Variants in HK1 observed in about 807,000 individuals in gnomAD.
HK1 encodes hexokinase 1.
In HK1, 28 loss-of-function variants were observed where a neutral mutation model predicts 91.6. The ratio of observed to expected loss-of-function variants is 0.31; its 90% CI spans 0.23 to 0.42. The LOEUF is 0.42. Among genes scored for constraint, HK1 ranks in the 10% least tolerant of loss-of-function variants. HK1 has a pLI of 1.00. For missense variants in HK1, 770 were observed against 1,219.8 expected (o/e 0.63, Z 5.49); for synonymous variants, 430 against 468.1 (o/e 0.92, Z 1.05).
intron 4 of HK1, among the ~76,000 whole-genome samples, chr10:69,300,106 G>A (rs989352124): frequency 6.6e-6 from 1 of 151,658 alleles, no homozygotes; most frequent in African/African-American, 2.4e-5. Flanking sequence ...GGCTGTTTAA[G>A]AAGTTTTAAC....
intron 2 of HK1, among the ~76,000 whole-genome samples, chr10:69,358,675 G>T (rs564593601): frequency 0.015 from 2,242 of 152,140 alleles, 29 homozygotes; most frequent in South Asian, 0.045. Context: ...CAGCCTGGCC[G>T]ACATAGTGAA....
chr10:69,322,417 T>C (rs1847090243), intron 1 of HK1, among the ~76,000 whole-genome samples: 1 of 152,192 alleles, frequency 6.6e-6, no homozygotes, highest in African/African-American at 2.4e-5. Flanking sequence ...GGCATCTGCA[T>C]AAATTGGTTA....
At chr10:69,375,758 C>G (rs1839063449) in intron 7 of HK1, among the ~76,000 whole-genome samples, 3 of 152,224 alleles carry the variant, frequency 2.0e-5, no homozygotes, top group Admixed American at 2.0e-4. Context: ...GGGGTTCCTC[C>G]TGGCCCCTCG....
intron 4 of HK1, among the ~76,000 whole-genome samples, chr10:69,367,143 A>G (rs1849747085): frequency 6.6e-6 from 1 of 152,168 alleles, no homozygotes; most frequent in Non-Finnish European, 1.5e-5. Context: ...GACATGCCCA[A>G]GAGGGGGCAT....
chr10:69,349,419 T>C (rs570388380), intron 2 of HK1, among the ~76,000 whole-genome samples: 9 of 152,244 alleles, frequency 5.9e-5, no homozygotes, highest in South Asian at 4.2e-4. Flanking sequence ...ATCAGTCTTA[T>C]GATATAATAA....
At chr10:69,365,045 G>T in intron 4 of HK1, 143 bp downstream of exon 4, 1 of 926,286 alleles carries the variant, frequency 1.1e-6, no homozygotes. Context: ...GCAGAAGTTA[G>T]TGTGGTATCA....
intron 1 of HK1, among the ~76,000 whole-genome samples, chr10:69,276,138 T>TATATATATAC (rs753204633): frequency 0.04 from 3,061 of 75,874 alleles, 291 homozygotes; most frequent in Non-Finnish European, 0.057. Context: ...TATATATATA[T>TATATATATAC]ACACATATAT....
chr10:69,287,975 CA>C (rs35699014), intron 2 of HK1, among the ~76,000 whole-genome samples: 46,827 of 115,824 alleles, frequency 0.4, 7,579 homozygotes, highest in Middle Eastern at 0.51. Context: ...ACTGTGTCTA[CA>C]AAAAAAAAAA....
chr10:69,285,820 CCAAA>C (rs1260883227), intron 2 of HK1, among the ~76,000 whole-genome samples: 4 of 152,322 alleles, frequency 2.6e-5, no homozygotes, highest in African/African-American at 9.6e-5. Context: ...GACCTCTAGA[CCAAA>C]CACTCTCTAG....
At chr10:69,395,462 C>T (rs947746635) in intron 16 of HK1, among the ~76,000 whole-genome samples, 1 of 152,118 alleles carries the variant, frequency 6.6e-6, no homozygotes, top group African/African-American at 2.4e-5. Flanking sequence ...CCTGTAATCC[C>T]AGCTACTTGG....
intron 3 of HK1, among the ~76,000 whole-genome samples, chr10:69,361,653 C>G (rs995289987): frequency 1.3e-5 from 2 of 152,252 alleles, no homozygotes; most frequent in Admixed American, 1.3e-4. Context: ...TTACCACTGC[C>G]CTCTTCGTCT....
intron 2 of HK1, among the ~76,000 whole-genome samples, chr10:69,348,334 G>A (rs1301253066): frequency 6.6e-6 from 1 of 152,232 alleles, no homozygotes; most frequent in African/African-American, 2.4e-5. Flanking sequence ...TCAACGGAAG[G>A]AAAATATTTA....
intron 1 of HK1, among the ~76,000 whole-genome samples, chr10:69,331,172 G>A (rs1288927364): frequency 2.6e-5 from 4 of 152,186 alleles, no homozygotes; most frequent in Non-Finnish European, 5.9e-5. Context: ...GAGCCGCCAC[G>A]CCGGGCCAGA....
At chr10:69,356,882 C>CAAAA (rs778360296) in intron 2 of HK1, among the ~76,000 whole-genome samples, 874 of 61,958 alleles carry the variant, frequency 0.014, 37 homozygotes, top group African/African-American at 0.044. Context: ...AACTCCATCT[C>CAAAA]AAAAAAAAAA....
intron 2 of HK1, among the ~76,000 whole-genome samples, chr10:69,283,124 CAAAAA>C (rs34547808): frequency 3.3e-5 from 2 of 60,814 alleles, no homozygotes; most frequent in Admixed American, 2.5e-4. Context: ...AACTCAGTTT[CAAAAA>C]AAAAAAAAAA....
At chr10:69,314,492 G>A (rs188746873), upstream of HK1, among the ~76,000 whole-genome samples, 33 of 152,220 alleles carry the variant, frequency 2.2e-4, no homozygotes, top group Middle Eastern at 6.8e-3. Flanking sequence ...ATAGTGTCAG[G>A]GTTCTAAGAT....
In HK1 at chr10:69,392,386, A is replaced by G. The variant is rs1355784561; in HGVS notation, c.2219+78A>G. On this transcript the variant is annotated intron_variant, in intron 15 of 17. Coordinates refer to ENST00000359426, the MANE Select transcript of HK1 (RefSeq NM_000188.3). ...GGCTGCATTCTGCCACTTGCAGTGG[A>G]AGAAGTTTCTAGGAGGAGAGGTCTG... The G allele has an allele frequency of 4.1e-6, 6 of 1,475,296 alleles. No individual in the cohort carries two copies. In the Admixed American group the frequency reaches 1.0e-4, roughly 25 times the overall value. 91.4% of individuals were successfully genotyped at this position (1,475,296 alleles called of 1,614,324 possible). A position where few individuals can be genotyped will look rare whatever the true frequency, so the allele number is the denominator to read the frequency against.
intron 1 of HK1, among the ~76,000 whole-genome samples, chr10:69,333,158 A>G (rs1169255167): frequency 6.6e-6 from 1 of 152,244 alleles, no homozygotes; most frequent in Non-Finnish European, 1.5e-5. Context: ...TGACTTGCTC[A>G]GGGTCATAGA....
intron 5 of HK1, among the ~76,000 whole-genome samples, chr10:69,303,617 G>A (rs1307436202): frequency 6.6e-6 from 1 of 152,092 alleles, no homozygotes; most frequent in African/African-American, 2.4e-5. Context: ...CTCTGGATCC[G>A]TCACCAGAGG....
Sources: gnomAD v4.1 joint callset for allele counts (sites outside exome capture counted in the v4.1 genomes callset) on GRCh38, gnomAD v4.1.1 for gene constraint, MANE v1.5 for transcripts, NCBI Gene and HGNC (gene_info 2026-07-23, HGNC 2026-07-21) for gene names.